Variants in NALF1 observed in about 807,000 individuals in gnomAD.
NALF1 encodes NALCN channel auxiliary factor 1.
NALF1 carries 3 observed loss-of-function variants against 48.4 expected under a neutral mutation model. The ratio of observed to expected loss-of-function variants is 0.06; its 90% CI spans 0.03 to 0.16. NALF1 has a LOEUF of 0.16. NALF1 is among the 10% of genes least tolerant of loss of function. The pLI is 1.00. For missense variants in NALF1, 526 were observed against 571.5 expected (o/e 0.92, Z 0.81); for synonymous variants, 262 against 245.7 (o/e 1.07, Z -0.62).
chr13:107,340,448 T>G (rs763174411), intron 1 of NALF1, among the ~76,000 whole-genome samples: 1 of 106,036 alleles, frequency 9.4e-6, no homozygotes, highest in Non-Finnish European at 2.0e-5. Flanking sequence ...ACCTTTCTCT[T>G]TCTTTCTTTC....
chr13:107,438,757 G>A (rs575792166), intron 1 of NALF1, among the ~76,000 whole-genome samples: 10 of 141,256 alleles, frequency 7.1e-5, no homozygotes, highest in South Asian at 2.3e-4. Context: ...CCCAGGAGGC[G>A]GAGTTTGCAG....
intron 1 of NALF1, among the ~76,000 whole-genome samples, chr13:107,690,240 G>A (rs1370232133): frequency 2.0e-5 from 3 of 152,170 alleles, no homozygotes; most frequent in African/African-American, 7.2e-5. Context: ...ATGACATTAT[G>A]CTTTAAGGGT....
intron 1 of NALF1, among the ~76,000 whole-genome samples, chr13:107,671,890 A>G (rs185798817): frequency 6.6e-6 from 1 of 152,282 alleles, no homozygotes; most frequent in African/African-American, 2.4e-5. Context: ...GTTGATAGCA[A>G]AGGTGTTTTT....
intron 1 of NALF1, among the ~76,000 whole-genome samples, chr13:107,497,546 G>GTACA (rs1875381010): frequency 6.6e-6 from 1 of 152,114 alleles, no homozygotes. Flanking sequence ...TTCCTCTGAT[G>GTACA]TACACTTTCT....
At chr13:107,688,044 T>A (rs1013530521) in intron 1 of NALF1, among the ~76,000 whole-genome samples, 3 of 152,216 alleles carry the variant, frequency 2.0e-5, no homozygotes, top group Admixed American at 2.0e-4. Context: ...ACTAAAAAAA[T>A]TCTAAACACT....
chr13:107,574,053 A>T (rs1425758434), intron 1 of NALF1, among the ~76,000 whole-genome samples: 1 of 152,128 alleles, frequency 6.6e-6, no homozygotes, highest in Non-Finnish European at 1.5e-5. Flanking sequence ...AAAAAACAAT[A>T]AAGGTATATG....
chr13:107,800,221 A>C (rs1878563185), intron 1 of NALF1, among the ~76,000 whole-genome samples: 1 of 152,190 alleles, frequency 6.6e-6, no homozygotes, highest in South Asian at 2.1e-4. Flanking sequence ...TTACAATTGC[A>C]CTTTGCCTGG....
At chr13:107,438,846 A>AAAAAAAAAAAAAAAAAAAAAAT (rs1884507614) in intron 1 of NALF1, among the ~76,000 whole-genome samples, 2 of 148,052 alleles carry the variant, frequency 1.4e-5, no homozygotes, top group Non-Finnish European at 3.0e-5. Flanking sequence ...AAAAAAAAAA[A>AAAAAAAAAAAAAAAAAAAAAAT]AAAAAGAATA....
intron 1 of NALF1, among the ~76,000 whole-genome samples, chr13:107,637,253 GTATA>G (rs35514972): frequency 2.0e-5 from 3 of 150,948 alleles, no homozygotes; most frequent in East Asian, 1.9e-4. Flanking sequence ...GTGTGTGTGT[GTATA>G]TATATATATA....
rs559465521 is a variant in NALF1, at chr13:107,353,464, C to G, written c.916-142709G>C. Reference sequence around the variant, plus strand: ...CATGAGAAGCCACATTGCCACCTGGCAAAGTTCTCTAGTCAAAAGCTGTCT... The same window carrying G: ...CATGAGAAGCCACATTGCCACCTGGGAAAGTTCTCTAGTCAAAAGCTGTCT... On this transcript the variant is annotated intron_variant, in intron 1 of 2. Transcript: ENST00000375915. Among the ~76,000 whole-genome samples, 5 of 152,258 alleles carry G rather than the reference C, an allele frequency of 3.3e-5. No homozygotes were observed. The South Asian group carries it at 8.3e-4, about 25-fold the overall frequency.
chr13:107,390,989 C>G (rs536575707), intron 1 of NALF1, among the ~76,000 whole-genome samples: 1 of 152,246 alleles, frequency 6.6e-6, no homozygotes, highest in African/African-American at 2.4e-5. Context: ...TACTGAGCAT[C>G]TACCATGTGC....
intron 1 of NALF1, among the ~76,000 whole-genome samples, chr13:107,290,248 A>G (rs1239796928): frequency 1.3e-5 from 2 of 151,842 alleles, no homozygotes; most frequent in African/African-American, 4.8e-5. Flanking sequence ...GGATGATTTC[A>G]TATCATGAAA....
intron 1 of NALF1, among the ~76,000 whole-genome samples, chr13:107,623,932 G>A (rs1344921678): frequency 3.3e-5 from 5 of 152,304 alleles, no homozygotes; most frequent in African/African-American, 9.6e-5. Context: ...GACAGTGGAT[G>A]AAAGTGTATA....
At chr13:107,818,768 A>C (rs1214449084) in intron 1 of NALF1, among the ~76,000 whole-genome samples, 1 of 138,056 alleles carries the variant, frequency 7.2e-6, no homozygotes, top group Non-Finnish European at 1.5e-5. Flanking sequence ...GCTACTCGGG[A>C]GGCTGAGGCA....
chr13:107,636,667 A>C (rs1879984329), intron 1 of NALF1, among the ~76,000 whole-genome samples: 1 of 152,040 alleles, frequency 6.6e-6, no homozygotes, highest in Non-Finnish European at 1.5e-5. Flanking sequence ...TTAAAGTACA[A>C]AATTATAGTA....
intron 1 of NALF1, among the ~76,000 whole-genome samples, chr13:107,476,222 C>G (rs1246365941): frequency 6.6e-6 from 1 of 152,110 alleles, no homozygotes; most frequent in Non-Finnish European, 1.5e-5. Context: ...AATTTGATGT[C>G]TCATGCACGC....
At position 107,486,211 on chromosome 13, in the gene NALF1, C is replaced by A. The variant is rs567576241; in HGVS notation, c.916-275456G>T. 7.9e-5 allele frequency among the ~76,000 whole-genome samples: 12 copies of A among 152,272 alleles called. No individual in the cohort carries two copies. The South Asian group carries it at 2.5e-3, about 32-fold the overall frequency. On this transcript the variant is annotated intron_variant, in intron 1 of 2. Coordinates refer to ENST00000375915, the MANE Select transcript of NALF1 (RefSeq NM_001080396.3). ...TTCCTCTTGGCCAAGATTGCACACA[C>A]ACAGGATATTCATCTGTCCTTACGG...
intron 1 of NALF1, among the ~76,000 whole-genome samples, chr13:107,357,053 G>C (rs1489388119): frequency 1.3e-5 from 2 of 152,188 alleles, no homozygotes; most frequent in African/African-American, 2.4e-5. Flanking sequence ...AAACACAAAG[G>C]GTTCTGAGAT....
chr13:107,623,727 A>T (rs1879594092), intron 1 of NALF1, among the ~76,000 whole-genome samples: 1 of 152,210 alleles, frequency 6.6e-6, no homozygotes, highest in Admixed American at 6.5e-5. Context: ...CAAGAAACCT[A>T]AAATGGTCAG....
Sources: gnomAD v4.1 joint callset for allele counts (sites outside exome capture counted in the v4.1 genomes callset) on GRCh38, gnomAD v4.1.1 for gene constraint, MANE v1.5 for transcripts, NCBI Gene and HGNC (gene_info 2026-07-23, HGNC 2026-07-21) for gene names.